The following ZNF521 variants were observed in gnomAD, a reference collection of about 807,000 sequenced individuals.
ZNF521 encodes LYST-interacting protein 3.
ZNF521 carries 14 observed loss-of-function variants against 105.5 expected under a neutral mutation model. That is an observed-to-expected ratio of 0.13 (90% CI 0.09 to 0.21). The LOEUF (loss-of-function observed/expected upper bound fraction) is 0.21, where lower values mean the gene tolerates loss of function less well. Among genes scored for constraint, ZNF521 ranks in the 10% least tolerant of loss-of-function variants. ZNF521 has a pLI of 1.00. For synonymous variants in ZNF521, 635 were observed against 606.0 expected, an observed-to-expected ratio of 1.05 and a Z score of -0.70; for missense variants, 1,233 against 1,629.7, an observed-to-expected ratio of 0.76 and a Z score of 4.19.
chr18:25,311,069 C>T (rs934156151), intron 3 of ZNF521, among the ~76,000 whole-genome samples: 2 of 151,926 alleles, frequency 1.3e-5, no homozygotes, highest in African/African-American at 2.4e-5. Flanking sequence ...AAGGTAAAAC[C>T]GAAAGAAAGG....
chr18:25,246,170 C>T (rs577442930), intron 3 of ZNF521, among the ~76,000 whole-genome samples: 4 of 151,956 alleles, frequency 2.6e-5, no homozygotes, highest in Admixed American at 6.5e-5. Flanking sequence ...CACATGTATA[C>T]ATATGTAACA....
intron 3 of ZNF521, among the ~76,000 whole-genome samples, chr18:25,259,386 T>C (rs1908748511): frequency 6.6e-6 from 1 of 152,126 alleles, no homozygotes; most frequent in South Asian, 2.1e-4. Flanking sequence ...GAAATAAACC[T>C]TCTTAAGACT....
intron 7 of ZNF521, among the ~76,000 whole-genome samples, chr18:25,077,436 T>C (rs115182782): frequency 2.3e-3 from 349 of 152,320 alleles, no homozygotes; most frequent in African/African-American, 7.9e-3. Context: ...GCCCTTCCTT[T>C]TGACAGAGTT....
In ZNF521 at chr18:25,311,410, CTT is replaced by C. The variant is rs149419833; in HGVS notation, c.220+10596_220+10597del. On this transcript the variant is annotated intron_variant, in intron 3 of 7. Transcript: ENST00000361524. Reference sequence around the variant, plus strand: ...AAAAAAAAAAAAAAAAATTCAACCTCTTAAGTTTTATCATGTTGAATTTCACA... The same window carrying C: ...AAAAAAAAAAAAAAAAATTCAACCTCAAGTTTTATCATGTTGAATTTCACA... Among the ~76,000 whole-genome samples the C allele has an allele frequency of 1.3e-3, 192 of 151,256 alleles. 1 individual carries two copies. In the East Asian group the frequency reaches 0.019, roughly 15 times the overall value.
intron 5 of ZNF521, among the ~76,000 whole-genome samples, chr18:25,139,372 C>CAAAAAAAAA (rs36175281): frequency 3.3e-4 from 17 of 51,384 alleles, no homozygotes; most frequent in East Asian, 8.4e-4. Context: ...GACTCTGTCT[C>CAAAAAAAAA]AAAAAAAAAA....
At chr18:25,077,196 C>T (rs75057176) in intron 7 of ZNF521, among the ~76,000 whole-genome samples, 1,586 of 152,274 alleles carry the variant, frequency 0.01, 29 homozygotes, top group African/African-American at 0.036. Context: ...ACAAGGGTCA[C>T]ATGGCAAGGA....
intron 5 of ZNF521, among the ~76,000 whole-genome samples, chr18:25,166,815 A>G (rs1300046322): frequency 2.0e-5 from 3 of 152,160 alleles, no homozygotes; most frequent in Non-Finnish European, 4.4e-5. Flanking sequence ...ATTGATATTA[A>G]TGTTTAGTCC....
intron 3 of ZNF521, among the ~76,000 whole-genome samples, chr18:25,273,220 C>CAAAAAAAAAAAAAAAAAAAAAAA (rs67381140): frequency 6.4e-4 from 26 of 40,886 alleles, no homozygotes; most frequent in Admixed American, 1.1e-3. Flanking sequence ...ACCCTGTCTC[C>CAAAAAAAAAAAAAAAAAAAAAAA]AAAAAAAAAA....
intron 7 of ZNF521, among the ~76,000 whole-genome samples, chr18:25,076,264 TAAAAGA>T (rs926133587): frequency 6.6e-6 from 1 of 152,166 alleles, no homozygotes; most frequent in Non-Finnish European, 1.5e-5. Context: ...CCAAGGGTTA[TAAAAGA>T]AAAAGACTGT....
chr18:25,130,607 CTT>C (rs752872410), intron 5 of ZNF521, among the ~76,000 whole-genome samples: 70 of 152,082 alleles, frequency 4.6e-4, no homozygotes, highest in Non-Finnish European at 7.1e-4. Context: ...CTGTTAAACT[CTT>C]TTGTAAAACT....
At chr18:25,349,327 T>C (rs1914600243) in intron 2 of ZNF521, among the ~76,000 whole-genome samples, 1 of 152,266 alleles carries the variant, frequency 6.6e-6, no homozygotes, top group South Asian at 2.1e-4. Context: ...CTTTTTTCAC[T>C]GTCGACACTT....
At chr18:25,232,229 G>C (rs2144758928) in intron 3 of ZNF521, among the ~76,000 whole-genome samples, 1 of 152,328 alleles carries the variant, frequency 6.6e-6, no homozygotes, top group Non-Finnish European at 1.5e-5. Context: ...ACCTGGCTAA[G>C]TCATTTAATC....
chr18:25,326,085 T>C (rs771104069), intron 2 of ZNF521, among the ~76,000 whole-genome samples: 10 of 152,188 alleles, frequency 6.6e-5, no homozygotes, highest in Non-Finnish European at 1.5e-4. Context: ...GAAATTCTAT[T>C]CTGTCCATGT....
At chr18:25,311,740 A>G (rs1253154614) in intron 3 of ZNF521, among the ~76,000 whole-genome samples, 2 of 152,192 alleles carry the variant, frequency 1.3e-5, no homozygotes, top group Admixed American at 6.5e-5. Context: ...TGTTCTTGAC[A>G]TTTTATTTAC....
chr18:25,329,358 G>A (rs1913419210), intron 2 of ZNF521, among the ~76,000 whole-genome samples: 1 of 152,178 alleles, frequency 6.6e-6, no homozygotes. Flanking sequence ...CACAAGGAGA[G>A]AAAGAGAAGA....
chr18:25,066,780 C>T (rs2033072958), intron 7 of ZNF521, among the ~76,000 whole-genome samples: 1 of 152,168 alleles, frequency 6.6e-6, no homozygotes, highest in African/African-American at 2.4e-5. Context: ...CGGAAAAATG[C>T]TGCCAGGCCA....
chr18:25,291,091 T>TG (rs1047351483), intron 3 of ZNF521, among the ~76,000 whole-genome samples: 25 of 152,166 alleles, frequency 1.6e-4, no homozygotes, highest in African/African-American at 5.8e-4. Flanking sequence ...GCCAAATGAC[T>TG]GGGGCTCCAG....
intron 3 of ZNF521, among the ~76,000 whole-genome samples, chr18:25,240,653 T>C (rs1031879935): frequency 2.6e-5 from 4 of 152,246 alleles, no homozygotes; most frequent in African/African-American, 9.6e-5. Context: ...TCAGCAATGA[T>C]AGCCCTTGAT....
At chr18:25,086,378 G>T (rs1456672789) in intron 7 of ZNF521, among the ~76,000 whole-genome samples, 1 of 152,008 alleles carries the variant, frequency 6.6e-6, no homozygotes, top group Non-Finnish European at 1.5e-5. Context: ...TTTGGGTAAT[G>T]AAAGCAAATG....
Sources: allele counts gnomAD v4.1 joint callset (sites outside exome capture counted in the v4.1 genomes callset), GRCh38; gene constraint gnomAD v4.1.1; transcripts MANE v1.5; gene names NCBI Gene and HGNC (gene_info 2026-07-23, HGNC 2026-07-21).